DTNB: variants seen among roughly 807,000 people sequenced by gnomAD.
The protein encoded by DTNB is dystrobrevin beta, also known as DTN-B.
DTNB carries 63 observed loss-of-function variants against 90.7 expected under a neutral mutation model. That is an observed-to-expected ratio of 0.69 (90% CI 0.57 to 0.86). The LOEUF (loss-of-function observed/expected upper bound fraction) is 0.86, where lower values mean the gene tolerates loss of function less well. Among genes scored for constraint, DTNB ranks in the 40% least tolerant of loss-of-function variants. The pLI, the probability that DTNB is intolerant of heterozygous loss-of-function variation, is 0.00. For synonymous variants in DTNB, 277 were observed against 286.7 expected (o/e 0.97, Z 0.34); for missense variants, 744 against 807.1 (o/e 0.92, Z 0.95).
At chr2:25,583,510 T>G (rs577059649) in intron 6 of DTNB, among the ~76,000 whole-genome samples, 100 of 147,084 alleles carry the variant, frequency 6.8e-4, no homozygotes, top group Non-Finnish European at 1.1e-3. Context: ...AGTTTTTGTG[T>G]TTTTTTTTTG....
chr2:25,523,776 A>G (rs929344740), intron 9 of DTNB, among the ~76,000 whole-genome samples: 2 of 152,050 alleles, frequency 1.3e-5, no homozygotes, highest in African/African-American at 4.8e-5. Flanking sequence ...TGTCCTCCTA[A>G]TGCAGTGGTT....
At chr2:25,615,480 C>T (rs2070070968) in intron 4 of DTNB, among the ~76,000 whole-genome samples, 1 of 152,128 alleles carries the variant, frequency 6.6e-6, no homozygotes, top group Non-Finnish European at 1.5e-5. Flanking sequence ...AGAGTGGCCT[C>T]CTTAGGACAA....
chr2:25,420,636 A>C (rs2049348331), intron 15 of DTNB, among the ~76,000 whole-genome samples: 2 of 152,058 alleles, frequency 1.3e-5, no homozygotes, highest in African/African-American at 4.8e-5. Context: ...GGCATGTGTC[A>C]CCATGCCCGG....
intron 6 of DTNB, among the ~76,000 whole-genome samples, chr2:25,585,303 C>T (rs1490952328): frequency 6.6e-6 from 1 of 151,278 alleles, no homozygotes; most frequent in Non-Finnish European, 1.5e-5. Flanking sequence ...TGTACAAATT[C>T]TTCATTTCTA....
At chr2:25,418,233 C>T (rs749316319) in intron 16 of DTNB, among the ~76,000 whole-genome samples, 2 of 152,148 alleles carry the variant, frequency 1.3e-5, no homozygotes, top group Non-Finnish European at 2.9e-5. Flanking sequence ...ATCTTCTTTC[C>T]CCCTGACAGT....
At chr2:25,440,066 C>T (rs558428585) in intron 12 of DTNB, among the ~76,000 whole-genome samples, 9 of 152,200 alleles carry the variant, frequency 5.9e-5, no homozygotes, top group East Asian at 1.9e-4. Context: ...GTGAGCAACT[C>T]GGGGGTTGTA....
chr2:25,407,510 C>T (rs1279751746), intron 16 of DTNB, among the ~76,000 whole-genome samples: 1 of 152,158 alleles, frequency 6.6e-6, no homozygotes, highest in African/African-American at 2.4e-5. Flanking sequence ...TGCAAAGATA[C>T]AGAACCAACC....
intron 12 of DTNB, among the ~76,000 whole-genome samples, chr2:25,441,496 C>T (rs2057381247): frequency 6.6e-6 from 1 of 152,174 alleles, no homozygotes; most frequent in African/African-American, 2.4e-5. Flanking sequence ...GTTATGCTGA[C>T]AGCTTTAATG....
rs2077671294 is a variant in DTNB, at chr2:25,639,041, A to T, written c.121T>A (p.Leu41Ile). The T allele has an allele frequency of 6.3e-7, 1 of 1,594,266 alleles. No homozygotes were observed. The highest frequency in any genetic ancestry group is 1.3e-5 in the African/African-American group (1 of 74,828). The change falls in exon 3 of 21, where the codon TTA (leucine) becomes ATA (isoleucine). Residue 41 changes from leucine (L) to isoleucine (I), a missense_variant. Coordinates refer to ENST00000406818, the MANE Select transcript of DTNB (RefSeq NM_021907.5). ...TTGCATCGTTTTTGTACAAATCGTA[A>T]TTTGCAGGCTGTTCTGTAAGTTGAT... The part of the protein sequence containing the change: ...RLSTYRTACK[L>I]RFVQKRCNLH...
At chr2:25,507,560 T>A (rs1460773228) in intron 9 of DTNB, among the ~76,000 whole-genome samples, 1 of 152,154 alleles carries the variant, frequency 6.6e-6, no homozygotes. Flanking sequence ...CCTAAGTACA[T>A]CCAATGTTCG....
intron 5 of DTNB, among the ~76,000 whole-genome samples, chr2:25,597,156 T>G (rs1255880809): frequency 6.6e-6 from 1 of 152,030 alleles, no homozygotes; most frequent in East Asian, 1.9e-4. Flanking sequence ...TAGTGAGACC[T>G]CATCCCTACA....
chr2:25,538,257 T>A (rs1169341448), intron 8 of DTNB, among the ~76,000 whole-genome samples: 2 of 151,926 alleles, frequency 1.3e-5, no homozygotes, highest in Non-Finnish European at 2.9e-5. Context: ...ATCCAAACAT[T>A]AGCCAGGTGT....
intron 6 of DTNB, among the ~76,000 whole-genome samples, chr2:25,582,976 A>C (rs908200473): frequency 6.6e-6 from 1 of 152,096 alleles, no homozygotes; most frequent in Non-Finnish European, 1.5e-5. Flanking sequence ...AATTATTGAG[A>C]TTGGCTGGGC....
chr2:25,591,985 G>A (rs933851157), intron 6 of DTNB, among the ~76,000 whole-genome samples: 8 of 150,196 alleles, frequency 5.3e-5, no homozygotes, highest in Non-Finnish European at 1.0e-4. Flanking sequence ...CGCTTGAACC[G>A]GGGAGGCAGA....
At chr2:25,505,785 C>T (rs1257440294) in intron 9 of DTNB, among the ~76,000 whole-genome samples, 7 of 152,162 alleles carry the variant, frequency 4.6e-5, no homozygotes, top group Non-Finnish European at 1.0e-4. Context: ...CATCCAAAGT[C>T]TTTAAATGCA....
intron 6 of DTNB, among the ~76,000 whole-genome samples, chr2:25,582,857 A>G (rs563243726): frequency 6.6e-6 from 1 of 152,342 alleles, no homozygotes; most frequent in East Asian, 1.9e-4. Context: ...AATAACATTA[A>G]AAACCATAAA....
intron 16 of DTNB, among the ~76,000 whole-genome samples, chr2:25,405,906 A>G (rs1282082871): frequency 6.6e-6 from 1 of 152,160 alleles, no homozygotes; most frequent in Non-Finnish European, 1.5e-5. Flanking sequence ...CAGGGGTTCT[A>G]TCAATAAAGT....
intron 12 of DTNB, among the ~76,000 whole-genome samples, chr2:25,447,828 A>G (rs1006398378): frequency 6.6e-6 from 1 of 152,086 alleles, no homozygotes; most frequent in African/African-American, 2.4e-5. Flanking sequence ...TTTATACAAC[A>G]TATTCACCAA....
chr2:25,589,124 C>T (rs1460207989), intron 6 of DTNB, among the ~76,000 whole-genome samples: 3 of 152,104 alleles, frequency 2.0e-5, no homozygotes, highest in Non-Finnish European at 4.4e-5. Context: ...CAAATGCAAT[C>T]GGAGGACACC....
Sources: allele counts gnomAD v4.1 joint callset (sites outside exome capture counted in the v4.1 genomes callset), GRCh38; gene constraint gnomAD v4.1.1; transcripts MANE v1.5; gene names NCBI Gene and HGNC (gene_info 2026-07-23, HGNC 2026-07-21).